LRRC27: variants seen among roughly 807,000 people sequenced by gnomAD.
The protein encoded by LRRC27 is leucine-rich repeat-containing protein 27.
In LRRC27, 57 loss-of-function variants were observed where a neutral mutation model predicts 55.0. The observed-to-expected ratio is 1.04, with a 90% confidence interval of 0.84 to 1.29. The LOEUF (loss-of-function observed/expected upper bound fraction) is 1.29. LRRC27 is among the 50% of genes most tolerant of loss of function. LRRC27 has a pLI of 0.00. For synonymous variants in LRRC27, 278 were observed against 251.9 expected (o/e 1.10, Z -0.98); for missense variants, 721 against 651.5 (o/e 1.11, Z -1.16).
At chr10:132,349,160 T>A (rs1011179328) in intron 6 of LRRC27, 4 of 821,646 alleles carry the variant, frequency 4.9e-6, no homozygotes, top group Non-Finnish European at 8.0e-6. Flanking sequence ...AATTGGTGAA[T>A]CTAGATCATG....
intron 8 of LRRC27, among the ~76,000 whole-genome samples, 184 bp from the exon 9 acceptor site, chr10:132,361,273 T>C (rs1396372889): frequency 1.3e-5 from 2 of 152,228 alleles, no homozygotes; most frequent in Non-Finnish European, 2.9e-5. Context: ...CAGATCCCAG[T>C]AGGGCGCGAG....
intron 2 of LRRC27, among the ~76,000 whole-genome samples, chr10:132,335,658 C>T (rs2067092185): frequency 6.6e-6 from 1 of 152,016 alleles, no homozygotes; most frequent in African/African-American, 2.4e-5. Context: ...CCTGGTTCCT[C>T]ATAGGCAGAG....
intron 5 of LRRC27, 118 bp downstream of exon 5, chr10:132,344,768 C>A: frequency 2.6e-6 from 3 of 1,135,650 alleles, no homozygotes; most frequent in Non-Finnish European, 2.5e-6. Flanking sequence ...AGCCATGGGT[C>A]CTCTGCTGAG....
intron 8 of LRRC27, 104 bp downstream of exon 8, chr10:132,355,990 G>A (rs2068293404): frequency 1.3e-6 from 1 of 775,004 alleles, no homozygotes; most frequent in African/African-American, 1.8e-5. Flanking sequence ...ACCTGGGGGT[G>A]TGGGTGGGTG....
At chr10:132,338,901 G>C (rs893376828) in intron 3 of LRRC27, among the ~76,000 whole-genome samples, 3 of 152,098 alleles carry the variant, frequency 2.0e-5, no homozygotes, top group Admixed American at 2.0e-4. Context: ...GTAGAAACGG[G>C]GTTTTGCCAT....
chr10:132,337,770 C>T (rs2067205499), intron 3 of LRRC27, 75 bp downstream of exon 3: 1 of 1,525,696 alleles, frequency 6.6e-7, no homozygotes. Flanking sequence ...GCTCCTTGTC[C>T]TTTACTCTTG....
chr10:132,330,184 A>G (rs1368060389), upstream of LRRC27: 1 of 468,554 alleles, frequency 2.1e-6, no homozygotes, highest in East Asian at 3.9e-5. Context: ...AGGGCAAAAC[A>G]TGCTCGTACA....
At chr10:132,331,926 C>A (rs1487323139), upstream of LRRC27, 80 of 648,212 alleles carry the variant, frequency 1.2e-4, 6 homozygotes, top group South Asian at 1.7e-3. Flanking sequence ...ACCCCCCCAC[C>A]GCAAGCGCAA....
chr10:132,372,201 G>T lies in LRRC27; in HGVS notation c.1417-2865G>T, dbSNP rs2069234211. Among the ~76,000 whole-genome samples the T allele has an allele frequency of 6.6e-6, 1 of 151,258 alleles. No individual in the cohort carries two copies. The highest frequency in any genetic ancestry group is 1.5e-5 in the Non-Finnish European group (1 of 67,932). On this transcript the variant is annotated intron_variant, in intron 10 of 10. Transcript: ENST00000368614. This position sits in a 1 kb window ranked among gnomAD's most constrained non-coding sequence, Gnocchi z 4.0. ...AACCACAGAAGGATGGGAAGTGGGG[G>T]TCGGGGTGCGGTGGCTCACGCCTGC...
chr10:132,359,958 A>G (rs1353376413), intron 8 of LRRC27, among the ~76,000 whole-genome samples: 4 of 152,174 alleles, frequency 2.6e-5, no homozygotes, highest in Admixed American at 2.6e-4. Context: ...CTCACTCAAG[A>G]GCTGGATGTT....
chr10:132,373,911 A>G (rs561816773), intron 10 of LRRC27, among the ~76,000 whole-genome samples: 248 of 152,348 alleles, frequency 1.6e-3, no homozygotes, highest in Middle Eastern at 3.4e-3. Flanking sequence ...TATGAATCCC[A>G]CAGGGAATAC....
At chr10:132,352,791 G>C (rs998692408) in intron 7 of LRRC27, 17 of 1,427,500 alleles carry the variant, frequency 1.2e-5, no homozygotes, top group Non-Finnish European at 1.6e-5. Flanking sequence ...CAGTGCTCGC[G>C]GTCGCCCCCT....
intron 4 of LRRC27, among the ~76,000 whole-genome samples, chr10:132,342,960 G>C (rs1290159501): frequency 1.3e-4 from 20 of 152,110 alleles, no homozygotes; most frequent in Non-Finnish European, 1.0e-4. Context: ...CATTAAGATT[G>C]TATAGCTTTG....
intron 10 of LRRC27, among the ~76,000 whole-genome samples, chr10:132,371,675 C>T (rs2069220387): frequency 1.3e-5 from 2 of 152,230 alleles, no homozygotes; most frequent in Admixed American, 1.3e-4. Flanking sequence ...TCCCTTGCAG[C>T]CAGACATTGG....
At chr10:132,338,697 C>G (rs1036295672) in intron 3 of LRRC27, among the ~76,000 whole-genome samples, 17 of 150,972 alleles carry the variant, frequency 1.1e-4, no homozygotes, top group African/African-American at 3.4e-4. Flanking sequence ...AACTCTTTTT[C>G]TTTTCTTTCT....
At chr10:132,369,295 AT>A (rs1223750298) in intron 10 of LRRC27, among the ~76,000 whole-genome samples, 2 of 152,242 alleles carry the variant, frequency 1.3e-5, no homozygotes, top group Admixed American at 6.5e-5. Flanking sequence ...ATGAAAACTT[AT>A]GTCTACACCA....
chr10:132,337,151 T>C (rs1333449672), intron 2 of LRRC27: 1 of 1,189,638 alleles, frequency 8.4e-7, no homozygotes, highest in African/African-American at 1.6e-5. Context: ...AGACCAGACA[T>C]GGCTCTGGCT....
intron 2 of LRRC27, among the ~76,000 whole-genome samples, chr10:132,335,405 G>A (rs553543680): frequency 6.6e-6 from 1 of 151,198 alleles, no homozygotes; most frequent in African/African-American, 2.4e-5. Context: ...CCTGGACTTC[G>A]CCTATTGGTT....
Position 132,355,816 on chromosome 10 carries a change from G to A in LRRC27, c.1100G>A (p.Arg367Lys), listed in dbSNP as rs1352401296. 6.4e-7 allele frequency: 1 copy of A among 1,556,136 alleles called. No individual in the cohort carries two copies. Among genetic ancestry groups the A allele is most frequent in the East Asian group, 2.4e-5 (1 of 41,184 alleles). ...RREKRALQEWRERAQRMRKRK... is the reference protein window; with the variant it reads ...RREKRALQEWKERAQRMRKRK... ...GAGAAAAGGGCACTGCAGGAGTGGA[G>A]AGAGCGAGCCCAGAGGATGAGGAAG... Residue 367 changes from arginine (R) to lysine (K), a missense_variant, in exon 8 of 11, where the codon AGA (arginine) becomes AAA (lysine). By Grantham distance (26) the Arg-to-Lys change is conservative (BLOSUM62 2). Coordinates refer to ENST00000368614, the MANE Select transcript of LRRC27 (RefSeq NM_030626.3).
Sources: gnomAD v4.1 joint callset for allele counts (sites outside exome capture counted in the v4.1 genomes callset) on GRCh38, gnomAD v4.1.1 for gene constraint, Gnocchi (gnomAD v3.1) non-coding constraint, MANE v1.5 for transcripts, NCBI Gene and HGNC (gene_info 2026-07-23, HGNC 2026-07-21) for gene names.